The following EFNA5 variants were observed in gnomAD, a reference collection of about 807,000 sequenced individuals.
The protein encoded by EFNA5 is ephrin A5, also known as ephrin-A5.
A neutral mutation model predicts 22.9 loss-of-function variants in EFNA5; 5 were observed. The observed-to-expected ratio is 0.22, with a 90% CI of 0.11 to 0.46. The LOEUF is 0.46. Among genes scored for constraint, EFNA5 ranks in the 20% least tolerant of loss-of-function variants. The probability of loss-of-function intolerance (pLI) is 0.99; values close to 1 mark genes in which losing one functional copy is unlikely to be tolerated. For synonymous variants in EFNA5, 113 were observed against 112.2 expected, an observed-to-expected ratio of 1.01 and a Z score of -0.04; for missense variants, 237 against 293.3, an observed-to-expected ratio of 0.81 and a Z score of 1.40.
intron 1 of EFNA5, among the ~76,000 whole-genome samples, chr5:107,664,253 G>C (rs1751024666): frequency 6.6e-6 from 1 of 152,102 alleles, no homozygotes; most frequent in Non-Finnish European, 1.5e-5. Flanking sequence ...TTTTACTCAA[G>C]ATCATGCAAA....
intron 1 of EFNA5, among the ~76,000 whole-genome samples, chr5:107,478,415 G>A (rs1048251697): frequency 1.3e-5 from 2 of 152,154 alleles, no homozygotes; most frequent in Non-Finnish European, 2.9e-5. Flanking sequence ...GTTAACCTAT[G>A]GGATTAGTTA....
At chr5:107,640,810 T>TG (rs1367538284) in intron 1 of EFNA5, among the ~76,000 whole-genome samples, 1 of 152,176 alleles carries the variant, frequency 6.6e-6, no homozygotes, top group African/African-American at 2.4e-5. Flanking sequence ...CAAATGAGAA[T>TG]GCTGCCACAT....
chr5:107,385,177 G>A (rs189838121), intron 4 of EFNA5, among the ~76,000 whole-genome samples: 175 of 151,996 alleles, frequency 1.2e-3, no homozygotes, highest in South Asian at 4.6e-3. Context: ...TAAATGCTTA[G>A]TGAAAAAAAA....
intron 1 of EFNA5, among the ~76,000 whole-genome samples, chr5:107,628,992 G>A (rs145347666): frequency 2.6e-5 from 4 of 151,892 alleles, no homozygotes; most frequent in East Asian, 1.9e-4. Context: ...TAGTTTCTTC[G>A]GCATCCTAAG....
chr5:107,528,587 C>G (rs1747746218), intron 1 of EFNA5, among the ~76,000 whole-genome samples: 1 of 152,148 alleles, frequency 6.6e-6, no homozygotes. Context: ...TAGCTAACTT[C>G]CATACACCTC....
intron 2 of EFNA5, among the ~76,000 whole-genome samples, chr5:107,416,937 C>CAA (rs1201835477): frequency 6.6e-6 from 1 of 151,768 alleles, no homozygotes; most frequent in Non-Finnish European, 1.5e-5. Flanking sequence ...AAAACTTAAT[C>CAA]AATTCAGATT....
At chr5:107,512,832 A>AC (rs1181285180) in intron 1 of EFNA5, among the ~76,000 whole-genome samples, 3 of 152,206 alleles carry the variant, frequency 2.0e-5, no homozygotes, top group African/African-American at 7.2e-5. Context: ...TACCAAGAAA[A>AC]CGTAATAAAA....
chr5:107,570,984 A>G (rs1748789977), intron 1 of EFNA5, among the ~76,000 whole-genome samples: 1 of 152,208 alleles, frequency 6.6e-6, no homozygotes, highest in Non-Finnish European at 1.5e-5. Context: ...CAGTGATTTC[A>G]CATTCCTCCC....
chr5:107,410,978 T>C (rs548808734), intron 2 of EFNA5, among the ~76,000 whole-genome samples: 3 of 152,156 alleles, frequency 2.0e-5, no homozygotes, highest in Non-Finnish European at 4.4e-5. Context: ...TTTCATATTA[T>C]ATCCATTAAA....
At position 107,483,077 on chromosome 5, in the gene EFNA5, G is replaced by A. The variant is rs900730778; in HGVS notation, c.126-55568C>T. Among the ~76,000 whole-genome samples, 9 of 152,036 alleles carry A rather than the reference G, an allele frequency of 5.9e-5. No individual in the cohort carries two copies. In the South Asian group the frequency reaches 6.2e-4, roughly 11 times the overall value. On this transcript the variant is annotated intron_variant, in intron 1 of 4. Transcript: ENST00000333274. ...ACAGTGTTTAAGCAGCTTGTTCCTC[G>A]TCTTTAATCTTCTTTATGTAATAGT...
At chr5:107,407,137 G>A (rs114856102) in intron 2 of EFNA5, among the ~76,000 whole-genome samples, 1,564 of 152,234 alleles carry the variant, frequency 0.01, 23 homozygotes, top group African/African-American at 0.036. Context: ...TATTTTCAAA[G>A]CATTCCTGCA....
chr5:107,464,734 C>T (rs553192739), intron 1 of EFNA5, among the ~76,000 whole-genome samples: 1 of 152,232 alleles, frequency 6.6e-6, no homozygotes, highest in South Asian at 2.1e-4. Context: ...AACTACCAGT[C>T]CCCAAATAGC....
intron 1 of EFNA5, among the ~76,000 whole-genome samples, chr5:107,602,350 T>C (rs1404140918): frequency 6.6e-6 from 1 of 152,164 alleles, no homozygotes; most frequent in Non-Finnish European, 1.5e-5. Context: ...CCTGTTAATG[T>C]ATGTGGATGT....
In EFNA5 at chr5:107,637,013, CT is replaced by C. The variant is rs1026429582; in HGVS notation, c.125+33475del. Among the ~76,000 whole-genome samples the C allele has an allele frequency of 5.9e-5, 9 of 152,280 alleles. 1 individual carries two copies. The highest frequency in any genetic ancestry group is 2.2e-4 in the African/African-American group (9 of 41,560). On this transcript the variant is annotated intron_variant, in intron 1 of 4. Coordinates refer to ENST00000333274, the MANE Select transcript of EFNA5 (RefSeq NM_001962.3). ...TATAAATCTTTCTAAAATGTGCCTG[CT>C]TTTTGTTTATTTAATTTTATTCAGG...
At chr5:107,420,148 C>G (rs144210856) in intron 2 of EFNA5, among the ~76,000 whole-genome samples, 1 of 152,218 alleles carries the variant, frequency 6.6e-6, no homozygotes, top group East Asian at 1.9e-4. Context: ...ATTCCTTATG[C>G]ATAGTAATCC....
At position 107,379,331 on chromosome 5, in the gene EFNA5, C is replaced by T. The variant is rs1428046251; in HGVS notation, c.*1924G>A. ...AGCTGCCTTTCCTTCACATACTTTT[C>T]TAATTCAGAACTACTCACAATTCTA... On this transcript the variant is annotated 3_prime_UTR_variant, in exon 5 of 5. Coordinates refer to ENST00000333274, the MANE Select transcript of EFNA5 (RefSeq NM_001962.3). The T allele has an allele frequency of 6.6e-6, 1 of 152,172 alleles. No individual in the cohort carries two copies. The highest frequency in any genetic ancestry group is 2.4e-5 in the African/African-American group (1 of 41,418). 9.4% of individuals were successfully genotyped at this position (152,172 alleles called of 1,614,324 possible). A position where few individuals can be genotyped will look rare whatever the true frequency, so the allele number is the denominator to read the frequency against.
intron 1 of EFNA5, among the ~76,000 whole-genome samples, chr5:107,614,995 C>T (rs1466265597): frequency 1.3e-5 from 2 of 151,824 alleles, no homozygotes; most frequent in South Asian, 2.1e-4. Context: ...TATTTAGGAG[C>T]CACAAATGTT....
At chr5:107,495,762 C>A (rs746404672) in intron 1 of EFNA5, among the ~76,000 whole-genome samples, 53 of 152,102 alleles carry the variant, frequency 3.5e-4, no homozygotes, top group Non-Finnish European at 6.8e-4. Context: ...TTCCAAGCAT[C>A]CCCGGAAGTC....
At chr5:107,600,459 G>A (rs1749567156) in intron 1 of EFNA5, among the ~76,000 whole-genome samples, 1 of 151,844 alleles carries the variant, frequency 6.6e-6, no homozygotes, top group Non-Finnish European at 1.5e-5. Flanking sequence ...TAAACTGAAG[G>A]TAATCAGCTA....
Sources: allele counts gnomAD v4.1 joint callset (sites outside exome capture counted in the v4.1 genomes callset), GRCh38; gene constraint gnomAD v4.1.1; transcripts MANE v1.5; gene names NCBI Gene and HGNC (gene_info 2026-07-23, HGNC 2026-07-21).